OSBPL9: variants seen among roughly 807,000 people sequenced by gnomAD.
OSBPL9 encodes the protein oxysterol binding protein like 9, also known as oxysterol-binding protein-related protein 9.
A neutral mutation model predicts 106.6 loss-of-function variants in OSBPL9; 40 were observed. The ratio of observed to expected loss-of-function variants is 0.38; its 90% CI spans 0.29 to 0.49. The LOEUF (loss-of-function observed/expected upper bound fraction) is 0.49. Among genes scored for constraint, OSBPL9 ranks in the 20% least tolerant of loss-of-function variants. The pLI is 0.97. For missense variants in OSBPL9, 609 were observed against 887.2 expected (o/e 0.69, Z 3.98); for synonymous variants, 269 against 295.4 (o/e 0.91, Z 0.92).
intron 1 of OSBPL9, among the ~76,000 whole-genome samples, chr1:51,640,439 A>G (rs902260243): frequency 1.3e-5 from 2 of 152,248 alleles, no homozygotes; most frequent in Non-Finnish European, 2.9e-5. Flanking sequence ...CAATCAAGAT[A>G]TAATCAAGTA....
At chr1:51,675,726 C>T (rs1389840967) in intron 3 of OSBPL9, among the ~76,000 whole-genome samples, 1 of 152,052 alleles carries the variant, frequency 6.6e-6, no homozygotes, top group African/African-American at 2.4e-5. Flanking sequence ...TCATATGGCT[C>T]AATCTAATAG....
At position 51,621,765 on chromosome 1, in the gene OSBPL9, C is replaced by T. The variant is rs182097401; in HGVS notation, c.111+4544C>T. 6.4e-4 allele frequency among the ~76,000 whole-genome samples: 98 copies of T among 152,206 alleles called. 1 individual carries two copies. The highest frequency in any genetic ancestry group is 1.2e-3 in the Non-Finnish European group (85 of 68,018). ...CTTGGCCATTTATTTGTCTAAGACA[C>T]CAGGTCATTTACTCTGTAGAATTTT... On this transcript the variant is annotated intron_variant, in intron 1 of 23. Transcript: ENST00000428468.
chr1:51,653,197 T>G lies in OSBPL9; in HGVS notation c.162+1156T>G, dbSNP rs574849986. ...TTAAAAATTCAACTTCTAGTTTTTG[T>G]TTTTTTTTTTCTAAAATTTTCCTTT... On this transcript the variant is annotated intron_variant, in intron 2 of 23. Transcript: ENST00000428468. 9.5e-5 allele frequency among the ~76,000 whole-genome samples: 13 copies of G among 136,310 alleles called. No homozygotes were observed. The South Asian group carries it at 2.2e-3, about 23-fold the overall frequency. 89.4% of individuals were successfully genotyped at this position (136,310 alleles called of 152,430 possible). A position where few individuals can be genotyped will look rare whatever the true frequency, so the allele number is the denominator to read the frequency against.
At chr1:51,573,286 AT>A (rs1485800992), upstream of OSBPL9, among the ~76,000 whole-genome samples, 8 of 151,768 alleles carry the variant, frequency 5.3e-5, no homozygotes, top group Non-Finnish European at 8.8e-5. Flanking sequence ...AGGCAGACAG[AT>A]CACCTGAGGT....
intron 3 of OSBPL9, among the ~76,000 whole-genome samples, chr1:51,683,224 AGGCTG>A (rs1286409966): frequency 6.6e-6 from 1 of 151,800 alleles, no homozygotes; most frequent in Admixed American, 6.6e-5. Flanking sequence ...CTTGTTGCCC[AGGCTG>A]GAGTGCAATG....
chr1:51,637,130 C>T (rs891604325), intron 1 of OSBPL9, among the ~76,000 whole-genome samples: 4 of 152,214 alleles, frequency 2.6e-5, no homozygotes, highest in Admixed American at 1.3e-4. Context: ...CTGTTTCTCT[C>T]ACTTGCTATC....
At chr1:51,771,690 C>T (rs1673936426) in intron 12 of OSBPL9, among the ~76,000 whole-genome samples, 1 of 151,924 alleles carries the variant, frequency 6.6e-6, no homozygotes, top group Non-Finnish European at 1.5e-5. Context: ...AGTGTTAATA[C>T]CAATGTGGGC....
intron 14 of OSBPL9, among the ~76,000 whole-genome samples, chr1:51,775,017 T>C (rs1262683527): frequency 2.0e-5 from 3 of 152,234 alleles, no homozygotes; most frequent in Non-Finnish European, 4.4e-5. Context: ...TATTTATCCA[T>C]GTTTTCTTCT....
intron 4 of OSBPL9, among the ~76,000 whole-genome samples, chr1:51,734,437 C>T (rs561329056): frequency 2.0e-5 from 3 of 152,210 alleles, no homozygotes; most frequent in East Asian, 1.9e-4. Context: ...TTTGTCATAC[C>T]GTGGAGGACT....
At chr1:51,786,006 C>T (rs1464176616) in intron 21 of OSBPL9, 120 bp downstream of exon 21, 1 of 884,410 alleles carries the variant, frequency 1.1e-6, no homozygotes, top group Admixed American at 2.5e-5. Context: ...TATATTAGAG[C>T]TGGAACTTTA....
At chr1:51,610,880 G>T (rs766928508) in intron 2 of OSBPL9, among the ~76,000 whole-genome samples, 3 of 152,212 alleles carry the variant, frequency 2.0e-5, no homozygotes, top group Non-Finnish European at 2.9e-5. Flanking sequence ...AGTCCTCAAA[G>T]AACCCAAGAG....
intron 1 of OSBPL9, among the ~76,000 whole-genome samples, chr1:51,589,599 G>A (rs1046776962): frequency 1.3e-5 from 2 of 152,080 alleles, no homozygotes; most frequent in African/African-American, 4.8e-5. Context: ...ATGAGAAGGA[G>A]CAAACCATAT....
At chr1:51,700,231 G>A (rs1028934407) in intron 3 of OSBPL9, among the ~76,000 whole-genome samples, 1 of 152,136 alleles carries the variant, frequency 6.6e-6, no homozygotes, top group Non-Finnish European at 1.5e-5. Flanking sequence ...CTTTCCCATT[G>A]TATAGCTTCC....
Position 51,765,844 on chromosome 1 carries a change from T to G in OSBPL9, c.801T>G (p.Ser267Arg), listed in dbSNP as rs760057354. Residue 267 changes from serine (S) to arginine (R), a missense_variant, in exon 12 of 24, where the codon AGT becomes AGG. Around this residue, in one of 5 missense-constraint regions of OSBPL9, gnomAD observed 356 missense variants for 505.8 expected, o/e 0.70. Coordinates refer to ENST00000428468, the MANE Select transcript of OSBPL9 (RefSeq NM_024586.6). The stretch of plus-strand genomic sequence containing the variant: ...TAGGCAGTGGCCATTCACCACCGAG[T>G]AGCAGTCTCACTTCTCCAAGCCACG... ...NSTGSGHSPP[S>R]SSLTSPSHVN... The G allele has an allele frequency of 1.2e-6, 2 of 1,613,798 alleles. No individual in the cohort carries two copies. Among genetic ancestry groups the G allele is most frequent in the Non-Finnish European group, 1.7e-6 (2 of 1,179,872 alleles).
rs566082463 is a variant in OSBPL9 at position 51,731,755 on chromosome 1, G to T, written c.319-13781G>T. Among the ~76,000 whole-genome samples, 158 of 140,314 alleles carry T rather than the reference G, an allele frequency of 1.1e-3. 1 individual carries two copies. Among genetic ancestry groups the T allele is most frequent in the African/African-American group, 4.0e-3 (149 of 36,890 alleles). The allele number at this position is 140,314 out of a possible 152,430, so 92.1% of individuals were successfully genotyped here. A position where few individuals can be genotyped will look rare whatever the true frequency, so the allele number is the denominator to read the frequency against. On this transcript the variant is annotated intron_variant, in intron 4 of 23. Coordinates refer to ENST00000428468, the MANE Select transcript of OSBPL9 (RefSeq NM_024586.6). ...TCGTGCCACTGCACTCCAGCCTGGC[G>T]ACAGAGCAAGAGTCTGTCTCAAAAA... is the stretch of plus-strand genomic sequence containing the variant.
At chr1:51,585,217 T>C (rs1645240892) in intron 1 of OSBPL9, among the ~76,000 whole-genome samples, 2 of 150,192 alleles carry the variant, frequency 1.3e-5, no homozygotes, top group South Asian at 4.2e-4. Flanking sequence ...CTTATTGGAC[T>C]TGTGGAAGGC....
At chr1:51,706,184 G>A (rs1045174990) in intron 3 of OSBPL9, among the ~76,000 whole-genome samples, 1 of 152,078 alleles carries the variant, frequency 6.6e-6, no homozygotes, top group East Asian at 1.9e-4. Flanking sequence ...TCTAGGCTTG[G>A]ATTTTTCTTT....
chr1:51,600,595 T>C (rs969130490), intron 2 of OSBPL9, among the ~76,000 whole-genome samples: 3 of 152,332 alleles, frequency 2.0e-5, no homozygotes, highest in Middle Eastern at 6.8e-3. Context: ...GTAAGTATTA[T>C]GGGCCCTAAG....
intron 2 of OSBPL9, 84 bp from the exon 3 acceptor site, chr1:51,669,350 A>G: frequency 8.9e-7 from 1 of 1,127,960 alleles, no homozygotes; most frequent in African/African-American, 1.6e-5. Flanking sequence ...TCGTTGGTGC[A>G]TTGAGTATTC....
Sources: allele counts gnomAD v4.1 joint callset (sites outside exome capture counted in the v4.1 genomes callset), GRCh38; gene constraint gnomAD v4.1.1; regional missense constraint gnomAD v4.1.1; transcripts MANE v1.5; gene names NCBI Gene and HGNC (gene_info 2026-07-23, HGNC 2026-07-21).